CNBD1: variants seen among roughly 807,000 people sequenced by gnomAD.
CNBD1 encodes cyclic nucleotide binding domain containing 1.
A neutral mutation model predicts 54.4 loss-of-function variants in CNBD1; 71 were observed. The ratio of observed to expected loss-of-function variants is 1.30; its 90% CI spans 1.08 to 1.59. CNBD1 has a LOEUF of 1.59. Among genes scored for constraint, CNBD1 ranks in the 40% most tolerant of loss-of-function variants. The probability of loss-of-function intolerance (pLI) is 0.00; values close to 1 mark genes in which losing one functional copy is unlikely to be tolerated. For synonymous variants in CNBD1, 182 were observed against 170.7 expected, an observed-to-expected ratio of 1.07 and a Z score of -0.51; for missense variants, 659 against 518.0, an observed-to-expected ratio of 1.27 and a Z score of -2.64.
intron 4 of CNBD1, among the ~76,000 whole-genome samples, chr8:86,956,557 A>G (rs1807776797): frequency 6.6e-6 from 1 of 152,034 alleles, no homozygotes; most frequent in Non-Finnish European, 1.5e-5. Context: ...ATCCCTTGTA[A>G]GTTGGATTCC....
At chr8:87,043,048 G>T (rs550098436) in intron 4 of CNBD1, among the ~76,000 whole-genome samples, 2 of 152,208 alleles carry the variant, frequency 1.3e-5, no homozygotes, top group Admixed American at 1.3e-4. Context: ...ATTAGAGAAA[G>T]TATGAAGATA....
intron 4 of CNBD1, among the ~76,000 whole-genome samples, chr8:87,123,532 G>A (rs565226795): frequency 6.6e-6 from 1 of 151,690 alleles, no homozygotes; most frequent in Non-Finnish European, 1.5e-5. Context: ...TCCTAATAAG[G>A]ACATTTATAG....
chr8:87,067,478 A>G (rs969347621), intron 4 of CNBD1, among the ~76,000 whole-genome samples: 2 of 151,944 alleles, frequency 1.3e-5, no homozygotes, highest in Admixed American at 6.6e-5. Flanking sequence ...ATTTTTGAAG[A>G]TGTTGTTTAT....
At chr8:87,422,117 G>T (rs1301315519) in intron 2 of CNBD1, among the ~76,000 whole-genome samples, 2 of 146,094 alleles carry the variant, frequency 1.4e-5, no homozygotes, top group Admixed American at 6.8e-5. Flanking sequence ...CTTTTTGATG[G>T]GGCTGTTTGT....
intron 8 of CNBD1, 100 bp from the exon 9 acceptor site, chr8:87,351,585 T>G: frequency 9.2e-7 from 1 of 1,082,484 alleles, no homozygotes. Context: ...TTACTATTAA[T>G]AGTTATTGAA....
rs747762941 is a variant in CNBD1, at chr8:87,351,687, A to T, written c.1045A>T (p.Ile349Leu). The change falls in exon 9 of 11, where the codon ATA (isoleucine) becomes TTA (leucine). Residue 349 changes from isoleucine to leucine, a missense_variant and splice_region_variant. Transcript: ENST00000518476. ...KWKKFPPGHV[I>L]VESGNIISFV... ...TGAACTATCTCTCTTCTTTTCAGTGATAGTGGAAAGTGGAAATATAATTTC... is the reference window on the plus strand; with the variant it reads ...TGAACTATCTCTCTTCTTTTCAGTGTTAGTGGAAAGTGGAAATATAATTTC... 1.3e-6 allele frequency: 2 copies of T among 1,502,432 alleles called. No individual in the cohort carries two copies. The highest frequency in any genetic ancestry group is 2.7e-5 in the South Asian group (2 of 73,516). The allele number at this position is 1,502,432 out of a possible 1,614,324, so 93.1% of individuals were successfully genotyped here.
At chr8:87,397,982 C>T (rs772138789) in intron 2 of CNBD1, among the ~76,000 whole-genome samples, 1 of 151,900 alleles carries the variant, frequency 6.6e-6, no homozygotes, top group Non-Finnish European at 1.5e-5. Context: ...GATTATGAGG[C>T]CTCCCCAGCC....
intron 4 of CNBD1, among the ~76,000 whole-genome samples, chr8:87,063,592 T>C (rs1018622163): frequency 6.6e-6 from 1 of 152,110 alleles, no homozygotes; most frequent in African/African-American, 2.4e-5. Context: ...TTGAGAGTCA[T>C]AGCTGTTCTG....
In CNBD1 at chr8:87,244,619, T is replaced by A. The variant is rs576732677; in HGVS notation, c.771+7507T>A. 7.2e-5 allele frequency among the ~76,000 whole-genome samples: 11 copies of A among 152,266 alleles called. No homozygotes were observed. The South Asian group carries it at 2.3e-3, about 32-fold the overall frequency. The stretch of plus-strand genomic sequence containing the variant: ...TTCTCTTCATCTGCCCCTCCTCCAC[T>A]TACTCATAGACATTTAAATGGTTCT... On this transcript the variant is annotated intron_variant, in intron 6 of 10. Coordinates refer to ENST00000518476, the MANE Select transcript of CNBD1 (RefSeq NM_173538.3).
At position 87,281,108 on chromosome 8, in the gene CNBD1, G is replaced by A. The variant is rs559930210; in HGVS notation, c.772-3570G>A. Among the ~76,000 whole-genome samples, 55 of 151,392 alleles carry A rather than the reference G, an allele frequency of 3.6e-4. 1 individual carries two copies. Among genetic ancestry groups the A allele is most frequent in the South Asian group, 2.9e-3 (14 of 4,802 alleles). ...ACCATGATTATTACCTGCAGTTTTC[G>A]GATATAACAACTGTAATCATCTGCT... On this transcript the variant is annotated intron_variant, in intron 6 of 10. Transcript: ENST00000518476.
At chr8:87,025,300 G>A (rs1244115392) in intron 4 of CNBD1, among the ~76,000 whole-genome samples, 1 of 152,178 alleles carries the variant, frequency 6.6e-6, no homozygotes, top group Non-Finnish European at 1.5e-5. Flanking sequence ...GCCAGCTGGG[G>A]CAACCTGGGT....
intron 2 of CNBD1, among the ~76,000 whole-genome samples, chr8:87,392,285 A>T (rs1395862152): frequency 2.0e-5 from 3 of 152,048 alleles, no homozygotes; most frequent in African/African-American, 7.2e-5. Context: ...TATATTACTG[A>T]GCATTTCTAC....
At chr8:86,894,523 ATT>A (rs1563813300) in intron 2 of CNBD1, among the ~76,000 whole-genome samples, 1 of 152,160 alleles carries the variant, frequency 6.6e-6, no homozygotes, top group Non-Finnish European at 1.5e-5. Flanking sequence ...GTTATTTACT[ATT>A]AACTAAAGCC....
chr8:87,330,923 G>A (rs1013634023), intron 8 of CNBD1, among the ~76,000 whole-genome samples: 1 of 151,970 alleles, frequency 6.6e-6, no homozygotes. Flanking sequence ...ACATATAGTT[G>A]GGTCTTGATT....
intron 4 of CNBD1, among the ~76,000 whole-genome samples, chr8:87,158,004 T>C (rs2130756220): frequency 6.6e-6 from 1 of 152,262 alleles, no homozygotes. Context: ...CAAGTTACTA[T>C]ACTACTGATT....
chr8:87,247,582 C>T (rs989590990), intron 6 of CNBD1, among the ~76,000 whole-genome samples: 1 of 152,050 alleles, frequency 6.6e-6, no homozygotes, highest in Non-Finnish European at 1.5e-5. Context: ...GCAAGTTTTG[C>T]GATCCATTCT....
At chr8:87,000,542 A>G (rs936113387) in intron 4 of CNBD1, among the ~76,000 whole-genome samples, 4 of 152,196 alleles carry the variant, frequency 2.6e-5, no homozygotes, top group Non-Finnish European at 5.9e-5. Flanking sequence ...TATGTAGTTA[A>G]GTGAATAACA....
At chr8:87,017,630 T>G (rs1376256067) in intron 4 of CNBD1, among the ~76,000 whole-genome samples, 1 of 152,224 alleles carries the variant, frequency 6.6e-6, no homozygotes, top group Non-Finnish European at 1.5e-5. Flanking sequence ...TAAACTCCAG[T>G]GCCTAATAGC....
chr8:86,985,211 C>A (rs1808579907), intron 4 of CNBD1, among the ~76,000 whole-genome samples: 2 of 152,144 alleles, frequency 1.3e-5, no homozygotes, highest in South Asian at 4.1e-4. Flanking sequence ...TATGAGGCCT[C>A]CCCAGCCATG....
Sources: gnomAD v4.1 joint callset for allele counts (sites outside exome capture counted in the v4.1 genomes callset) on GRCh38, gnomAD v4.1.1 for gene constraint, MANE v1.5 for transcripts, NCBI Gene and HGNC (gene_info 2026-07-23, HGNC 2026-07-21) for gene names.